The following LGR6 variants were observed in gnomAD, a reference collection of about 807,000 sequenced individuals.
LGR6 encodes leucine rich repeat containing G protein-coupled receptor 6.
In LGR6, 45 loss-of-function variants were observed where a neutral mutation model predicts 69.4. The observed-to-expected ratio is 0.65, with a 90% CI of 0.51 to 0.83. The LOEUF (loss-of-function observed/expected upper bound fraction) is 0.83. Among genes scored for constraint, LGR6 ranks in the 40% least tolerant of loss-of-function variants. LGR6 has a pLI of 0.00. For synonymous variants in LGR6, 538 were observed against 555.0 expected, an observed-to-expected ratio of 0.97 and a Z score of 0.43; for missense variants, 1,108 against 1,246.7, an observed-to-expected ratio of 0.89 and a Z score of 1.68.
At chr1:202,215,174 C>T (rs1447819040) in intron 1 of LGR6, among the ~76,000 whole-genome samples, 2 of 152,058 alleles carry the variant, frequency 1.3e-5, no homozygotes, top group East Asian at 3.9e-4. Flanking sequence ...TTTTCCACCC[C>T]CAGACACACC....
intron 6 of LGR6, among the ~76,000 whole-genome samples, chr1:202,290,702 A>G (rs1666734170): frequency 6.6e-6 from 1 of 152,136 alleles, no homozygotes; most frequent in South Asian, 2.1e-4. Context: ...GAGAAACCCC[A>G]TCTCTACTAA....
At position 202,318,927 on chromosome 1, in the gene LGR6, A is replaced by T. The variant is rs373576054; in HGVS notation, c.2624A>T (p.Asp875Val). The T allele has an allele frequency of 1.6e-5, 26 of 1,613,804 alleles. No individual in the cohort carries two copies. Among genetic ancestry groups the T allele is most frequent in the Non-Finnish European group, 2.1e-5 (25 of 1,179,930 alleles). The change falls in exon 18 of 18, where the codon GAT becomes GTT. Residue 875 changes from aspartate to valine, a missense_variant. Transcript: ENST00000367278. ...DSTQALVAFS[D>V]VDLILEASEA... ...ACCCAGGCCCTGGTAGCCTTCTCTG[A>T]TGTGGATCTCATTCTGGAAGCTTCT...
chr1:202,259,344 T>G (rs1346240583), intron 4 of LGR6, among the ~76,000 whole-genome samples: 1 of 152,196 alleles, frequency 6.6e-6, no homozygotes, highest in Admixed American at 6.5e-5. Context: ...AAAATTATTT[T>G]TTACTTGAAA....
chr1:202,210,442 A>AC (rs989046991), intron 1 of LGR6, among the ~76,000 whole-genome samples: 4 of 151,470 alleles, frequency 2.6e-5, no homozygotes, highest in African/African-American at 7.3e-5. Context: ...AAAAAAAAAA[A>AC]ACAAAAACCC....
At chr1:202,196,045 G>C (rs1237254251) in intron 1 of LGR6, among the ~76,000 whole-genome samples, 1 of 152,166 alleles carries the variant, frequency 6.6e-6, no homozygotes, top group Admixed American at 6.5e-5. Context: ...CCTGGGGATT[G>C]AGAAAGCCCC....
chr1:202,306,475 A>G (rs907125429), intron 12 of LGR6, among the ~76,000 whole-genome samples: 1 of 152,112 alleles, frequency 6.6e-6, no homozygotes, highest in African/African-American at 2.4e-5. Context: ...CTCCCATTCA[A>G]CCAGTCTACT....
chr1:202,305,750 G>A lies in LGR6; in HGVS notation c.1136+1G>A. 2 of 1,614,072 alleles carry A rather than the reference G, an allele frequency of 1.2e-6. No homozygotes were observed. Among genetic ancestry groups the A allele is most frequent in the Non-Finnish European group, 1.7e-6 (2 of 1,179,930 alleles). ...ACAGGTGTCAGAAATTGGAGGAAAT[G>A]TGAGTCTGGGGTAGGGAAGAGGCAA... On this transcript the variant is annotated splice_donor_variant, in intron 12 of 17. Coordinates refer to ENST00000367278, the MANE Select transcript of LGR6 (RefSeq NM_001017403.2). LOFTEE classifies it high-confidence loss of function.
chr1:202,223,782 C>G (rs929319636), intron 1 of LGR6, among the ~76,000 whole-genome samples: 1 of 150,270 alleles, frequency 6.7e-6, no homozygotes, highest in African/African-American at 2.4e-5. Context: ...CTCCTCTCTA[C>G]TACTTTCCTC....
intron 4 of LGR6, among the ~76,000 whole-genome samples, chr1:202,237,729 G>C (rs1465206419): frequency 2.0e-5 from 3 of 152,116 alleles, no homozygotes; most frequent in African/African-American, 7.2e-5. Flanking sequence ...AACAGGGCAG[G>C]GGACAGAGGT....
chr1:202,255,189 A>G (rs1663661652), intron 4 of LGR6, among the ~76,000 whole-genome samples: 1 of 152,238 alleles, frequency 6.6e-6, no homozygotes, highest in South Asian at 2.1e-4. Context: ...GGTTCACCAC[A>G]GGGTTTTCGT....
chr1:202,285,921 G>A (rs187453798), intron 6 of LGR6, among the ~76,000 whole-genome samples: 26 of 152,318 alleles, frequency 1.7e-4, no homozygotes, highest in African/African-American at 5.8e-4. Context: ...TCTATTCCAT[G>A]CCTCTCACCT....
chr1:202,287,587 A>G (rs535045413), intron 6 of LGR6, among the ~76,000 whole-genome samples: 1 of 152,280 alleles, frequency 6.6e-6, no homozygotes, highest in Admixed American at 6.5e-5. Flanking sequence ...CCAGACTTCC[A>G]GACTAAACCC....
chr1:202,318,246 T>C lies in LGR6; in HGVS notation c.1943T>C (p.Leu648Pro). 6.2e-7 allele frequency: 1 copy of C among 1,611,440 alleles called. No individual in the cohort carries two copies. Among genetic ancestry groups the C allele is most frequent in the Non-Finnish European group, 8.5e-7 (1 of 1,179,008 alleles). Residue 648 changes from leucine to proline, a missense_variant, in exon 18 of 18, where the codon CTG becomes CCG. By Grantham distance (98) the Leu-to-Pro change is moderately conservative. Transcript: ENST00000367278. The stretch of plus-strand genomic sequence containing the variant: ...CTAGGCTGCCGGGCCACTGGCTTCC[T>C]GGCAGTACTTGGGTCGGAGGCATCG... ...TGLGCRATGF[L>P]AVLGSEASVL...
chr1:202,214,309 C>G, intron 1 of LGR6: 1 of 1,371,396 alleles, frequency 7.3e-7, no homozygotes, highest in Non-Finnish European at 9.6e-7. Context: ...GAGCAGGACC[C>G]AGAAACCGAC....
rs140716437 is a variant in LGR6, at chr1:202,283,440, C to T, written c.716+2588C>T. Among the ~76,000 whole-genome samples the T allele has an allele frequency of 2.8e-3, 419 of 152,342 alleles. 9 individuals carry two copies. Among genetic ancestry groups the T allele is most frequent in the Admixed American group, 0.024 (360 of 15,302 alleles). On this transcript the variant is annotated intron_variant, in intron 6 of 17. Coordinates refer to ENST00000367278, the MANE Select transcript of LGR6 (RefSeq NM_001017403.2). ...GCATAATTGGCACGCTTTGCAGTCTCTGGAGCTTTTCATGTGAGCTTCTCA... is the reference window on the plus strand; with the variant it reads ...GCATAATTGGCACGCTTTGCAGTCTTTGGAGCTTTTCATGTGAGCTTCTCA...
chr1:202,208,155 A>C (rs966810362), intron 1 of LGR6, among the ~76,000 whole-genome samples: 1 of 151,984 alleles, frequency 6.6e-6, no homozygotes, highest in Non-Finnish European at 1.5e-5. Context: ...CCCTCCTCCA[A>C]TTTCGTCGCA....
chr1:202,274,908 T>C (rs1048997900), intron 4 of LGR6, among the ~76,000 whole-genome samples: 15 of 152,188 alleles, frequency 9.9e-5, no homozygotes, highest in Admixed American at 6.5e-4. Context: ...TCCTGGTGAA[T>C]GTGCTTTCAC....
chr1:202,316,797 A>G (rs1197534319), intron 17 of LGR6, among the ~76,000 whole-genome samples: 1 of 152,244 alleles, frequency 6.6e-6, no homozygotes, highest in Non-Finnish European at 1.5e-5. Flanking sequence ...CTACCAAGAA[A>G]CACATTGAAG....
At position 202,247,246 on chromosome 1, in the gene LGR6, C is replaced by T. The variant is rs1484341796; in HGVS notation, c.428+11253C>T. 4.6e-5 allele frequency among the ~76,000 whole-genome samples: 7 copies of T among 151,908 alleles called. No individual in the cohort carries two copies. In the South Asian group the frequency reaches 8.3e-4, roughly 18 times the overall value. On this transcript the variant is annotated intron_variant, in intron 4 of 17. Transcript: ENST00000367278. ...AGTGAGCTTCATTGGTCAGCAGCATCGGCGTCACTTGGGAGTATAAGTGCA... is the reference window on the plus strand; with the variant it reads ...AGTGAGCTTCATTGGTCAGCAGCATTGGCGTCACTTGGGAGTATAAGTGCA...
Sources: gnomAD v4.1 joint callset for allele counts (sites outside exome capture counted in the v4.1 genomes callset) on GRCh38, gnomAD v4.1.1 for gene constraint, MANE v1.5 for transcripts, NCBI Gene and HGNC (gene_info 2026-07-23, HGNC 2026-07-21) for gene names.